SCAPER: variants seen among roughly 807,000 people sequenced by gnomAD.
SCAPER encodes S phase cyclin A-associated protein in the endoplasmic reticulum.
Under a neutral mutation model 182.2 loss-of-function variants are expected in SCAPER, and 98 were observed. The observed-to-expected ratio is 0.54, with a 90% confidence interval of 0.46 to 0.64. The LOEUF is 0.64. Among genes scored for constraint, SCAPER ranks in the 30% least tolerant of loss-of-function variants. SCAPER has a pLI of 0.00. For missense variants in SCAPER, 1,432 were observed against 1,690.0 expected, an observed-to-expected ratio of 0.85 and a Z score of 2.68; for synonymous variants, 605 against 564.6, an observed-to-expected ratio of 1.07 and a Z score of -1.01.
chr15:76,876,937 A>T (rs1316519631), intron 2 of SCAPER, among the ~76,000 whole-genome samples: 1 of 152,206 alleles, frequency 6.6e-6, no homozygotes, highest in African/African-American at 2.4e-5. Flanking sequence ...AATAATATGG[A>T]CATACCAAAT....
At chr15:76,401,561 T>C (rs1016244140) in intron 27 of SCAPER, among the ~76,000 whole-genome samples, 3 of 152,204 alleles carry the variant, frequency 2.0e-5, no homozygotes, top group Admixed American at 1.3e-4. Context: ...CAAGCAACTT[T>C]AGCAGCCTTT....
At chr15:76,706,587 C>T (rs916909673) in intron 17 of SCAPER, among the ~76,000 whole-genome samples, 3 of 151,996 alleles carry the variant, frequency 2.0e-5, no homozygotes, top group East Asian at 1.9e-4. Flanking sequence ...CTTCCCATGC[C>T]GGCAGAAGGT....
chr15:76,479,153 A>C (rs2050895908), intron 24 of SCAPER, among the ~76,000 whole-genome samples: 1 of 152,124 alleles, frequency 6.6e-6, no homozygotes, highest in Non-Finnish European at 1.5e-5. Context: ...CAAAGAAACC[A>C]CTTTCTGATG....
chr15:76,570,634 G>C (rs561072141), intron 23 of SCAPER, among the ~76,000 whole-genome samples: 1 of 152,116 alleles, frequency 6.6e-6, no homozygotes, highest in Non-Finnish European at 1.5e-5. Flanking sequence ...TCTGTGACTA[G>C]TAATAACATA....
chr15:76,550,733 TG>T (rs2045696827), intron 23 of SCAPER, among the ~76,000 whole-genome samples: 1 of 152,238 alleles, frequency 6.6e-6, no homozygotes. Context: ...CTGGGTCAAA[TG>T]GTATTTCTGG....
At chr15:76,423,105 G>T (rs1193977548) in intron 26 of SCAPER, among the ~76,000 whole-genome samples, 1 of 152,140 alleles carries the variant, frequency 6.6e-6, no homozygotes, top group Non-Finnish European at 1.5e-5. Context: ...TCTCTGCCAG[G>T]CTTTGGTATC....
At chr15:76,652,821 A>AAGG (rs2055289548) in intron 21 of SCAPER, among the ~76,000 whole-genome samples, 1 of 152,052 alleles carries the variant, frequency 6.6e-6, no homozygotes, top group Non-Finnish European at 1.5e-5. Context: ...GGAACAAGAC[A>AAGG]AGGACTCCCA....
chr15:76,760,000 T>C (rs1176258479), intron 14 of SCAPER, among the ~76,000 whole-genome samples: 1 of 152,188 alleles, frequency 6.6e-6, no homozygotes, highest in African/African-American at 2.4e-5. Context: ...TTGTAAGAGA[T>C]AGGAAAAACT....
chr15:76,511,159 G>A (rs2041998444), intron 23 of SCAPER, among the ~76,000 whole-genome samples: 1 of 152,126 alleles, frequency 6.6e-6, no homozygotes, highest in Non-Finnish European at 1.5e-5. Flanking sequence ...AGTGTATACT[G>A]CTGGGGAGAT....
chr15:76,890,662 C>A (rs893826015), intron 1 of SCAPER, among the ~76,000 whole-genome samples: 1 of 152,028 alleles, frequency 6.6e-6, no homozygotes, highest in African/African-American at 2.4e-5. Context: ...GCTCTGAAAT[C>A]GAGGCAATAA....
chr15:76,724,081 T>G (rs1475052635), intron 17 of SCAPER, among the ~76,000 whole-genome samples: 1 of 152,120 alleles, frequency 6.6e-6, no homozygotes, highest in Non-Finnish European at 1.5e-5. Context: ...TTTCCATGTT[T>G]AGTGCTTCCT....
intron 23 of SCAPER, among the ~76,000 whole-genome samples, chr15:76,533,389 T>G (rs1176408868): frequency 6.6e-6 from 1 of 152,204 alleles, no homozygotes; most frequent in Non-Finnish European, 1.5e-5. Context: ...TTTAAATACA[T>G]GAATACTTAC....
chr15:76,629,310 T>C (rs888484242), intron 21 of SCAPER, among the ~76,000 whole-genome samples: 5 of 152,230 alleles, frequency 3.3e-5, no homozygotes, highest in Middle Eastern at 3.2e-3. Flanking sequence ...ATAGGAGTGG[T>C]GAGAGAAGCC....
chr15:76,814,081 T>C (rs1217097190), intron 5 of SCAPER, among the ~76,000 whole-genome samples: 1 of 152,026 alleles, frequency 6.6e-6, no homozygotes, highest in Non-Finnish European at 1.5e-5. Context: ...GGCAGAAGAA[T>C]TGTTTGAACC....
At chr15:76,733,516 A>C (rs1050256081) in intron 15 of SCAPER, 132 bp from the exon 16 acceptor site, 3 of 1,032,168 alleles carry the variant, frequency 2.9e-6, no homozygotes, top group Non-Finnish European at 4.0e-6. Context: ...TGGGAGGCTG[A>C]GGAAGGCGGA....
chr15:76,820,820 T>C (rs993730133), intron 5 of SCAPER, among the ~76,000 whole-genome samples: 3 of 151,858 alleles, frequency 2.0e-5, no homozygotes. Flanking sequence ...CCAAAGTCCT[T>C]AACAGACACT....
intron 16 of SCAPER, 71 bp from the exon 17 acceptor site, chr15:76,728,808 C>T: frequency 6.8e-7 from 1 of 1,471,294 alleles, no homozygotes; most frequent in East Asian, 2.5e-5. Flanking sequence ...AGTAATATAC[C>T]TTTCACCAAA....
At chr15:76,754,984 A>G (rs946469359) in intron 14 of SCAPER, among the ~76,000 whole-genome samples, 2 of 152,186 alleles carry the variant, frequency 1.3e-5, no homozygotes, top group African/African-American at 4.8e-5. Flanking sequence ...CAAATGGAAG[A>G]TGAAAGTTGC....
At chr15:76,830,168 A>T (rs1334672491) in intron 5 of SCAPER, among the ~76,000 whole-genome samples, 1 of 152,118 alleles carries the variant, frequency 6.6e-6, no homozygotes, top group Non-Finnish European at 1.5e-5. Context: ...ACATGCAAGG[A>T]CATGATATGG....
Sources: allele counts gnomAD v4.1 joint callset (sites outside exome capture counted in the v4.1 genomes callset), GRCh38; gene constraint gnomAD v4.1.1; transcripts MANE v1.5; gene names NCBI Gene and HGNC (gene_info 2026-07-23, HGNC 2026-07-21).